The following CFAP65 variants were observed in gnomAD, a reference collection of about 807,000 sequenced individuals.
CFAP65 encodes cilia- and flagella-associated protein 65.
CFAP65 carries 155 observed loss-of-function variants against 208.0 expected under a neutral mutation model. That is an observed-to-expected ratio of 0.75 (90% CI 0.65 to 0.85). CFAP65 has a LOEUF of 0.85. Ranked by LOEUF, CFAP65 falls within the 40% of genes least tolerant of loss-of-function variation. The pLI is 0.00. For synonymous variants in CFAP65, 970 were observed against 986.3 expected (o/e 0.98, Z 0.31); for missense variants, 2,294 against 2,451.3 (o/e 0.94, Z 1.36).
chr2:219,003,108 C>G lies in CFAP65; in HGVS notation c.5693+27G>C. 1 of 1,542,762 alleles carries G rather than the reference C, an allele frequency of 6.5e-7. No individual in the cohort carries two copies. The highest frequency in any genetic ancestry group is 8.8e-7 in the Non-Finnish European group (1 of 1,141,424). ...CCCGTGGCCCCTCTCGCGCGGTCTG[C>G]GCGGCCGCTGGTCCCGGCGCCCTTA... On this transcript the variant is annotated intron_variant, in intron 34 of 34. Transcript: ENST00000341552. The surrounding 1 kb of genome is among the most constrained non-coding windows in gnomAD (Gnocchi z 4.4).
chr2:219,030,996 C>A, intron 8 of CFAP65, 110 bp downstream of exon 8: 12 of 1,424,294 alleles, frequency 8.4e-6, no homozygotes, highest in African/African-American at 1.4e-5. Context: ...GGGCAGGAGG[C>A]CGGTGGAGGC....
rs1199024011 is a variant in CFAP65, at chr2:219,038,498, G to A, written c.234C>T (p.Ser78=). The change falls in exon 4 of 35, where the codon TCC becomes TCT. Residue 78 remains serine (S), a synonymous_variant. Coordinates refer to ENST00000341552, the MANE Select transcript of CFAP65 (RefSeq NM_194302.4). ...TCACGGTGTGGTTCCTGCTGTTCCT[G>A]GACCTCACGACGGAGCTTGGAGCCT... The part of the protein sequence containing the change: ...LTQAPSSVVR[S]RNSRNHTVNS... 3.1e-6 allele frequency: 5 copies of A among 1,614,044 alleles called. No individual in the cohort carries two copies. The South Asian group carries it at 3.3e-5, about 11-fold the overall frequency.
At chr2:219,036,341 G>A (rs916725563) in intron 4 of CFAP65, among the ~76,000 whole-genome samples, 1 of 151,956 alleles carries the variant, frequency 6.6e-6, no homozygotes, top group Admixed American at 6.6e-5. Context: ...AGAAGGAGGG[G>A]GCATGGAAAC....
chr2:219,031,522 G>C lies in CFAP65; in HGVS notation c.782C>G (p.Thr261Arg). The C allele has an allele frequency of 6.2e-7, 1 of 1,614,214 alleles. No homozygotes were observed. The highest frequency in any genetic ancestry group is 1.1e-5 in the South Asian group (1 of 91,086). ...ATCCAGGCAGAAAAAGGCCTCAGTC[G>C]TATCTCCCACAGCACACATGGGCAG... ...LQLPMCAVGD[T>R]TEAFFCLDNV... Residue 261 changes from threonine (T) to arginine (R), a missense_variant, in exon 7 of 35, where the codon ACG (threonine) becomes AGG (arginine). Transcript: ENST00000341552. The surrounding 1 kb of genome is among the most constrained non-coding windows in gnomAD (Gnocchi z 5.2).
intron 8 of CFAP65, 111 bp downstream of exon 8, chr2:219,030,995 G>GCC (rs1947981337): frequency 7.0e-7 from 1 of 1,422,160 alleles, no homozygotes; most frequent in Non-Finnish European, 9.5e-7. Flanking sequence ...AGGGCAGGAG[G>GCC]CCGGTGGAGG....
At position 219,010,933 on chromosome 2, in the gene CFAP65, A is replaced by C. The variant is rs200837687; in HGVS notation, c.4021T>G (p.Ser1341Ala). The change falls in exon 25 of 35, where the codon TCA (serine) becomes GCA (alanine). Residue 1341 changes from serine to alanine, a missense_variant. By Grantham distance (99) the Ser-to-Ala change is moderately conservative (BLOSUM62 1). Around this residue, in one of 2 missense-constraint regions of CFAP65, gnomAD observed 1,427 missense variants for 1,438.7 expected, o/e 0.99. Coordinates refer to ENST00000341552, the MANE Select transcript of CFAP65 (RefSeq NM_194302.4). ...VTYEVQTDVL[S>A]QVQEKNFDHP... ...TCAAAATTTTTTTCCTGAACCTGTG[A>C]CAGGACATCGGTCTGGACCTCATAT... 82 of 1,613,892 alleles carry C rather than the reference A, an allele frequency of 5.1e-5. No homozygotes were observed. The highest frequency in any genetic ancestry group is 3.3e-4 in the Middle Eastern group (2 of 6,058).
chr2:219,013,146 C>A, intron 24 of CFAP65, 113 bp downstream of exon 24: 1 of 761,874 alleles, frequency 1.3e-6, no homozygotes, highest in South Asian at 1.6e-5. Flanking sequence ...CTGGCCCAGC[C>A]CCTCAATGCT....
Position 219,032,590 on chromosome 2 carries a change from TG to T in CFAP65, c.543-19del. On this transcript the variant is annotated intron_variant, in intron 5 of 34. Transcript: ENST00000341552. This position sits in a 1 kb window ranked among gnomAD's most constrained non-coding sequence, Gnocchi z 5.5. ...TGGGGGGCCTGCAGGAGAGAGCCGG[TG>T]GGGAGCACCTCAGATCAGGGCTCAG... is the stretch of plus-strand genomic sequence containing the variant. 1 of 1,573,632 alleles carries T rather than the reference TG, an allele frequency of 6.4e-7. No homozygotes were observed. Among genetic ancestry groups the T allele is most frequent in the Admixed American group, 1.9e-5 (1 of 54,040 alleles).
At position 219,040,558 on chromosome 2, in the gene CFAP65, A is replaced by G; in HGVS notation, c.-42T>C. 1 of 1,551,046 alleles carries G rather than the reference A, an allele frequency of 6.4e-7. No individual in the cohort carries two copies. The highest frequency in any genetic ancestry group is 8.7e-7 in the Non-Finnish European group (1 of 1,146,284). ...TGGACGTTCAGATGAAATCAAAGAA[A>G]TGTAAGCTGAGGAGACACAGAGAGA... is the stretch of plus-strand genomic sequence containing the variant. On this transcript the variant is annotated 5_prime_UTR_variant, in exon 2 of 35. Transcript: ENST00000341552.
chr2:219,029,823 C>T, intron 10 of CFAP65, 155 bp from the exon 11 acceptor site: 1 of 1,151,196 alleles, frequency 8.7e-7, no homozygotes, highest in South Asian at 1.5e-5. Context: ...GGACTGGGAT[C>T]TCCAGGTAGT....
chr2:219,012,165 T>C lies in CFAP65; in HGVS notation c.3957+1094A>G, dbSNP rs184263624. ...TAAATTACAATAAATTATAATAAAT[T>C]TGTGGTCTTTATAAGCCACCCAATC... On this transcript the variant is annotated intron_variant, in intron 24 of 34. Coordinates refer to ENST00000341552, the MANE Select transcript of CFAP65 (RefSeq NM_194302.4). 1.1e-4 allele frequency among the ~76,000 whole-genome samples: 17 copies of C among 152,332 alleles called. No homozygotes were observed. The East Asian group carries it at 1.7e-3, about 16-fold the overall frequency.
At chr2:219,023,668 C>T (rs907515920) in intron 15 of CFAP65, among the ~76,000 whole-genome samples, 2 of 152,230 alleles carry the variant, frequency 1.3e-5, no homozygotes, top group Non-Finnish European at 2.9e-5. Context: ...GACCATTCCA[C>T]GGGGCCAGAC....
chr2:219,031,655 CCTT>C lies in CFAP65; in HGVS notation c.646_648del (p.Lys216del). 4.4e-6 allele frequency: 7 copies of C among 1,604,676 alleles called. No individual in the cohort carries two copies. The highest frequency in any genetic ancestry group is 5.1e-6 in the Non-Finnish European group (6 of 1,174,556). On this transcript the variant is annotated inframe_deletion and splice_region_variant, in exon 7 of 35. Transcript: ENST00000341552. This position sits in a 1 kb window ranked among gnomAD's most constrained non-coding sequence, Gnocchi z 5.2. Reference sequence around the variant, plus strand: ...TCAAACCACAGCTGGTCCATGTACTCCTTCTGCAGTGTGAGGCGGGGCAGGGGC... The same window carrying C: ...TCAAACCACAGCTGGTCCATGTACTCCTGCAGTGTGAGGCGGGGCAGGGGC...
In CFAP65 at chr2:219,010,706, T is replaced by C. The variant is rs1470806361; in HGVS notation, c.4150-2A>G. ...CAGGATGTGTATGGGCACGTCCACC[T>C]GGGGAGTTAGGAGGGTGGGGGTAGG... On this transcript the variant is annotated splice_acceptor_variant, in intron 25 of 34. Coordinates refer to ENST00000341552, the MANE Select transcript of CFAP65 (RefSeq NM_194302.4). LOFTEE classifies it high-confidence loss of function. 1.2e-6 allele frequency: 2 copies of C among 1,603,904 alleles called. No individual in the cohort carries two copies. The highest frequency in any genetic ancestry group is 1.7e-6 in the Non-Finnish European group (2 of 1,175,132).
rs149653830 is a variant in CFAP65, at chr2:219,024,172, G to A, written c.2438C>T (p.Ala813Val). The stretch of plus-strand genomic sequence containing the variant: ...GATGACGTCTGAGCCTCTCTGGGGG[G>A]CCAGGCTGAAGGTCAGCAGCTTGCA... ...KDCKLLTFSLAPQRGSDVILR... is the reference protein window; with the variant it reads ...KDCKLLTFSLVPQRGSDVILR... Residue 813 changes from alanine (A) to valine (V), a missense_variant, in exon 15 of 35, where the codon GCC (alanine) becomes GTC (valine). This residue lies in a region of CFAP65 where 1,427 missense variants were observed against 1,438.7 expected (regional missense o/e 0.99). Coordinates refer to ENST00000341552, the MANE Select transcript of CFAP65 (RefSeq NM_194302.4). The A allele has an allele frequency of 3.0e-4, 481 of 1,613,892 alleles. 2 individuals carry two copies. Among genetic ancestry groups the A allele is most frequent in the Non-Finnish European group, 6.4e-5 (75 of 1,180,040 alleles).
chr2:219,002,903 C>T lies in CFAP65; in HGVS notation c.*34G>A, dbSNP rs556152833. On this transcript the variant is annotated 3_prime_UTR_variant, in exon 35 of 35. Transcript: ENST00000341552. The surrounding 1 kb of genome is among the most constrained non-coding windows in gnomAD (Gnocchi z 7.9). ...GTGGAGAGGGGGCCAGGCGTGACCC[C>T]TAGCGGCATGTCGGAGAGGCTGGGC... 1 of 1,543,242 alleles carries T rather than the reference C, an allele frequency of 6.5e-7. No homozygotes were observed. The highest frequency in any genetic ancestry group is 1.4e-5 in the African/African-American group (1 of 71,254).
In CFAP65 at chr2:219,006,155, C is replaced by T. The variant is rs1396716657; in HGVS notation, c.4788G>A (p.Lys1596=). Reference sequence around the variant, plus strand: ...GGGGGCAGGGCCAGGACACCTCCTCCTTTGGGGTCTGCAGTTTCCAGCTGG... The same window carrying T: ...GGGGGCAGGGCCAGGACACCTCCTCTTTTGGGGTCTGCAGTTTCCAGCTGG... ...RPASWKLQTP[K]EEVSWPCPQP... is the part of the protein sequence containing the mutation. The change falls in exon 31 of 35, where the codon AAG becomes AAA. Residue 1596 remains lysine (K), a synonymous_variant. Transcript: ENST00000341552. The T allele has an allele frequency of 1.2e-6, 2 of 1,613,458 alleles. No individual in the cohort carries two copies. The highest frequency in any genetic ancestry group is 1.7e-5 in the Admixed American group (1 of 60,020).
Position 219,004,226 on chromosome 2 carries a change from C to T in CFAP65, c.5281G>A (p.Glu1761Lys), listed in dbSNP as rs1056787212. Reference sequence around the variant, plus strand: ...TCACCCTTCTCCTCCTCCCCCTCTTCCTTCTTTCCCAACCCTGGATAGTGC... The same window carrying T: ...TCACCCTTCTCCTCCTCCCCCTCTTTCTTCTTTCCCAACCCTGGATAGTGC... The part of the protein sequence containing the change: ...PEHYPGLGKK[E>K]EGEEEKGEEE... Residue 1761 changes from glutamate (E) to lysine (K), a missense_variant, in exon 33 of 35, where the codon GAA becomes AAA. Coordinates refer to ENST00000341552, the MANE Select transcript of CFAP65 (RefSeq NM_194302.4). The surrounding 1 kb of genome is among the most constrained non-coding windows in gnomAD (Gnocchi z 4.7). 6.2e-7 allele frequency: 1 copy of T among 1,613,946 alleles called. No individual in the cohort carries two copies. The highest frequency in any genetic ancestry group is 1.3e-5 in the African/African-American group (1 of 74,910).
At position 219,013,388 on chromosome 2, in the gene CFAP65, C is replaced by T. The variant is rs368854874; in HGVS notation, c.3847-19G>A. The T allele has an allele frequency of 3.1e-6, 5 of 1,591,132 alleles. No individual in the cohort carries two copies. The highest frequency in any genetic ancestry group is 3.4e-6 in the Non-Finnish European group (4 of 1,164,662). ...AATTTAGCTGGAAATAAAAGTTCCC[C>T]CGGAGGAACTGACACAGCCAGTGGA... On this transcript the variant is annotated intron_variant, in intron 23 of 34. Transcript: ENST00000341552.
Sources: gnomAD v4.1 joint callset for allele counts (sites outside exome capture counted in the v4.1 genomes callset) on GRCh38, gnomAD v4.1.1 for gene constraint, gnomAD v4.1.1 regional missense constraint, Gnocchi (gnomAD v3.1) non-coding constraint, MANE v1.5 for transcripts, NCBI Gene and HGNC (gene_info 2026-07-23, HGNC 2026-07-21) for gene names.